The following BICC1 variants were observed in gnomAD, a reference collection of about 807,000 sequenced individuals.
BICC1 encodes BicC family RNA binding protein 1, also known as protein bicaudal C homolog 1.
Under a neutral mutation model 111.0 loss-of-function variants are expected in BICC1, and 43 were observed. That is an observed-to-expected ratio of 0.39 (90% CI 0.30 to 0.50). The LOEUF (loss-of-function observed/expected upper bound fraction) is 0.50. BICC1 is among the 20% of genes least tolerant of loss of function. The pLI, the probability that BICC1 is intolerant of heterozygous loss-of-function variation, is 0.88. For missense variants in BICC1, 1,091 were observed against 1,203.2 expected (o/e 0.91, Z 1.38); for synonymous variants, 467 against 434.4 (o/e 1.07, Z -0.93).
intron 1 of BICC1, among the ~76,000 whole-genome samples, chr10:58,550,272 T>C (rs1356836175): frequency 6.6e-6 from 1 of 152,138 alleles, no homozygotes; most frequent in East Asian, 1.9e-4. Flanking sequence ...TCCTCCCACC[T>C]CAGTCTCCTA....
At chr10:58,535,255 CA>C (rs1183744819) in intron 1 of BICC1, among the ~76,000 whole-genome samples, 2 of 151,580 alleles carry the variant, frequency 1.3e-5, no homozygotes, top group Non-Finnish European at 3.0e-5. Flanking sequence ...AGACTCATTA[CA>C]AAAAGGACGT....
At chr10:58,516,356 T>C (rs973022261) in intron 1 of BICC1, among the ~76,000 whole-genome samples, 1 of 152,142 alleles carries the variant, frequency 6.6e-6, no homozygotes, top group African/African-American at 2.4e-5. Context: ...AAAAATTCAG[T>C]GAGGTTAATA....
intron 1 of BICC1, among the ~76,000 whole-genome samples, chr10:58,561,003 GT>G (rs1162594375): frequency 6.6e-6 from 1 of 152,002 alleles, no homozygotes; most frequent in Non-Finnish European, 1.5e-5. Context: ...TGTGTATACA[GT>G]AGCTGTTGGA....
chr10:58,521,444 A>G (rs953193647), intron 1 of BICC1, among the ~76,000 whole-genome samples: 1 of 152,144 alleles, frequency 6.6e-6, no homozygotes, highest in Non-Finnish European at 1.5e-5. Flanking sequence ...TTATTCTCAT[A>G]GGAAAAACCT....
chr10:58,759,213 G>A (rs956625563), intron 3 of BICC1, among the ~76,000 whole-genome samples: 2 of 151,962 alleles, frequency 1.3e-5, no homozygotes, highest in African/African-American at 2.4e-5. Flanking sequence ...GACCACCTCA[G>A]CCTCCCAAAG....
At chr10:58,646,667 C>G (rs1564529490) in intron 2 of BICC1, among the ~76,000 whole-genome samples, 1 of 152,086 alleles carries the variant, frequency 6.6e-6, no homozygotes, top group South Asian at 2.1e-4. Flanking sequence ...TCTTAGGAAA[C>G]TCATAGCCGA....
chr10:58,649,538 G>A (rs1372171860), intron 2 of BICC1, among the ~76,000 whole-genome samples: 1 of 152,092 alleles, frequency 6.6e-6, no homozygotes, highest in Non-Finnish European at 1.5e-5. Context: ...ACCCTCATGG[G>A]TGTCTTTTAA....
chr10:58,820,284 T>C lies in BICC1; in HGVS notation c.2695-85T>C, dbSNP rs980324399. On this transcript the variant is annotated intron_variant, in intron 19 of 20. Transcript: ENST00000373886. ...AAGTAGGCAGAGCATAATTAATAAA[T>C]AAGTGTGACAACAAGTTGATCCTAC... The C allele has an allele frequency of 8.2e-6, 7 of 856,836 alleles. No homozygotes were observed. In the African/African-American group the frequency reaches 1.0e-4, roughly 12 times the overall value. The allele number at this position is 856,836 out of a possible 1,614,324, so 53.1% of individuals were successfully genotyped here. A position where few individuals can be genotyped will look rare whatever the true frequency, so the allele number is the denominator to read the frequency against.
chr10:58,751,915 G>T (rs1246975175), intron 3 of BICC1, among the ~76,000 whole-genome samples: 1 of 152,096 alleles, frequency 6.6e-6, no homozygotes, highest in Non-Finnish European at 1.5e-5. Flanking sequence ...CCTATAGGGT[G>T]CATTTATTTT....
chr10:58,631,486 T>G (rs1428845690), intron 2 of BICC1, among the ~76,000 whole-genome samples: 6 of 152,076 alleles, frequency 3.9e-5, no homozygotes, highest in Non-Finnish European at 8.8e-5. Flanking sequence ...TTCATTATCT[T>G]TCTTCTTTCT....
intron 20 of BICC1, chr10:58,823,825 G>A (rs537049758): frequency 1.6e-5 from 16 of 985,092 alleles, no homozygotes; most frequent in Middle Eastern, 5.2e-4. Context: ...TATTCTTAAC[G>A]CTTCTATAAG....
intron 17 of BICC1, among the ~76,000 whole-genome samples, chr10:58,811,634 TAC>T (rs1282301243): frequency 3.9e-5 from 6 of 152,192 alleles, no homozygotes; most frequent in African/African-American, 1.4e-4. Flanking sequence ...ACACTGGTAA[TAC>T]AGTGTTTGAA....
intron 3 of BICC1, among the ~76,000 whole-genome samples, chr10:58,749,385 G>A (rs968471484): frequency 1.3e-5 from 2 of 151,976 alleles, no homozygotes; most frequent in African/African-American, 4.8e-5. Context: ...ATGTGTATTG[G>A]TATTATTTCT....
At chr10:58,752,087 T>A (rs1842005730) in intron 3 of BICC1, among the ~76,000 whole-genome samples, 1 of 152,188 alleles carries the variant, frequency 6.6e-6, no homozygotes, top group Non-Finnish European at 1.5e-5. Context: ...TATGCATTTT[T>A]AAAATATCTC....
intron 11 of BICC1, 106 bp from the exon 12 acceptor site, chr10:58,798,950 C>G: frequency 1.1e-6 from 1 of 890,946 alleles, no homozygotes; most frequent in Non-Finnish European, 1.6e-6. Flanking sequence ...AAATTGAATT[C>G]TTTTCTGAAC....
At chr10:58,769,404 G>GTGTGTGTGTGTGTA (rs1050060686) in intron 3 of BICC1, among the ~76,000 whole-genome samples, 9 of 109,746 alleles carry the variant, frequency 8.2e-5, no homozygotes, top group African/African-American at 2.9e-4. Flanking sequence ...GTGTGTGTGT[G>GTGTGTGTGTGTGTA]TATATATATA....
chr10:58,559,968 G>A (rs576062916), intron 1 of BICC1, among the ~76,000 whole-genome samples: 1 of 150,144 alleles, frequency 6.7e-6, no homozygotes, highest in Non-Finnish European at 1.5e-5. Context: ...GTTTGCTAGT[G>A]TTTTGTTGAG....
chr10:58,614,468 A>T (rs966252190), intron 1 of BICC1, among the ~76,000 whole-genome samples: 2 of 152,250 alleles, frequency 1.3e-5, no homozygotes, highest in Non-Finnish European at 2.9e-5. Flanking sequence ...GGAATAAAAA[A>T]GTCCAAAGAT....
chr10:58,817,159 C>T (rs1315780755), intron 18 of BICC1, among the ~76,000 whole-genome samples: 1 of 151,666 alleles, frequency 6.6e-6, no homozygotes, highest in East Asian at 1.9e-4. Flanking sequence ...CCCTGCCATC[C>T]AACGGAGCCT....
Sources: allele counts gnomAD v4.1 joint callset (sites outside exome capture counted in the v4.1 genomes callset), GRCh38; gene constraint gnomAD v4.1.1; transcripts MANE v1.5; gene names NCBI Gene and HGNC (gene_info 2026-07-23, HGNC 2026-07-21).